The following SF1 variants were observed in gnomAD, a reference collection of about 807,000 sequenced individuals.
SF1 encodes the protein branch point-binding protein.
SF1 carries 7 observed loss-of-function variants against 62.5 expected under a neutral mutation model. The observed-to-expected ratio is 0.11, with a 90% CI of 0.06 to 0.21. The LOEUF is 0.21. Ranked by LOEUF, SF1 falls within the 10% of genes least tolerant of loss-of-function variation. SF1 has a pLI of 1.00. For synonymous variants in SF1, 394 were observed against 323.6 expected, an observed-to-expected ratio of 1.22 and a Z score of -2.33; for missense variants, 578 against 884.0, an observed-to-expected ratio of 0.65 and a Z score of 4.39.
At chr11:64,768,078 G>A in intron 9 of SF1, 28 bp downstream of exon 9, 1 of 1,594,194 alleles carries the variant, frequency 6.3e-7, no homozygotes, top group South Asian at 1.1e-5. Flanking sequence ...GGGGAAGCCA[G>A]ACCAAGAGAG....
Position 64,778,369 on chromosome 11 carries a change from C to T in SF1, c.24G>A (p.Thr8=). The T allele has an allele frequency of 4.1e-6, 5 of 1,227,820 alleles. No homozygotes were observed. The highest frequency in any genetic ancestry group is 5.1e-6 in the Non-Finnish European group (5 of 984,422). The allele number at this position is 1,227,820 out of a possible 1,614,324, so 76.1% of individuals were successfully genotyped here. Residue 8 remains threonine, a synonymous_variant, in exon 1 of 13, where the codon ACG becomes ACA. Transcript: ENST00000377390. MATGANA[T]PLDFPSKKRK... The stretch of plus-strand genomic sequence containing the variant: ...CGGGGGGGCCCAGCTTACCCAACGG[C>T]GTGGCGTTCGCTCCGGTCGCCATGG...
intron 1 of SF1, 92 bp from the exon 2 acceptor site, chr11:64,776,718 CAG>C: frequency 8.0e-7 from 1 of 1,248,522 alleles, no homozygotes; most frequent in Non-Finnish European, 1.1e-6. Context: ...AGAAACTCAG[CAG>C]ACTGTGAAGC....
chr11:64,768,971 T>A (rs534741364), intron 8 of SF1, 51 bp downstream of exon 8: 1 of 1,214,732 alleles, frequency 8.2e-7, no homozygotes, highest in Non-Finnish European at 1.2e-6. Flanking sequence ...GCCAGAAAAG[T>A]TGTCCTGCAC....
Position 64,766,919 on chromosome 11 carries a change from G to T in SF1, c.1563C>A (p.Thr521=). The change falls in exon 12 of 13, where the codon ACC becomes ACA. Residue 521 remains threonine (T), a synonymous_variant. Transcript: ENST00000377390. ...ACTCACTTTGCTGCCATGGCAAGGG[G>T]GTACTGGAAGCCATACTGCTGCTGG... The part of the protein sequence containing the change: ...PPPSSSMASS[T]PLPWQQNTTT... The T allele has an allele frequency of 6.9e-7, 1 of 1,452,310 alleles. No homozygotes were observed. Among genetic ancestry groups the T allele is most frequent in the South Asian group, 1.6e-5 (1 of 61,386 alleles). The allele number at this position is 1,452,310 out of a possible 1,614,324, so 90.0% of individuals were successfully genotyped here.
chr11:64,771,244 C>A (rs1345155664), intron 3 of SF1, among the ~76,000 whole-genome samples: 1 of 151,834 alleles, frequency 6.6e-6, no homozygotes, highest in East Asian at 1.9e-4. Context: ...GCTGTTGCTA[C>A]AAGTAAAAAA....
In SF1 at chr11:64,767,723, A is replaced by G; in HGVS notation, c.1190T>C (p.Phe397Ser). The G allele has an allele frequency of 6.2e-7, 1 of 1,612,804 alleles. No individual in the cohort carries two copies. Residue 397 changes from phenylalanine to serine, a missense_variant, in exon 10 of 13, where the codon TTC becomes TCC. Physicochemically the swap from Phe to Ser is radical, Grantham distance 155. Around this residue, in one of 7 missense-constraint regions of SF1, gnomAD observed 410 missense variants for 452.4 expected, o/e 0.91. Transcript: ENST00000377390. The part of the protein sequence containing the change: ...PGGPGGGPHS[F>S]PHPLPSLTGG... ...TGTCAGGCTGGGTAATGGGTGTGGG[A>G]AGCTGTGGGGGCCACCTCCGGGCCC... is the stretch of plus-strand genomic sequence containing the variant.
At chr11:64,777,746 C>A (rs755538648) in intron 1 of SF1, 24 of 985,620 alleles carry the variant, frequency 2.4e-5, no homozygotes, top group Non-Finnish European at 2.9e-5. Context: ...CACAGCCCGG[C>A]CACCTCACTG....
chr11:64,771,873 G>A (rs1938378350), intron 3 of SF1: 2 of 985,376 alleles, frequency 2.0e-6, no homozygotes, highest in Non-Finnish European at 2.4e-6. Context: ...GGGCTCAAAA[G>A]CAAAACCAAT....
chr11:64,777,963 T>G, intron 1 of SF1: 1 of 989,862 alleles, frequency 1.0e-6, no homozygotes, highest in Non-Finnish European at 1.2e-6. Flanking sequence ...GCGACGCCTC[T>G]CGCGCTCTCT....
chr11:64,775,419 T>A (rs1345336536), intron 2 of SF1, among the ~76,000 whole-genome samples: 1 of 152,130 alleles, frequency 6.6e-6, no homozygotes, highest in Non-Finnish European at 1.5e-5. Context: ...TAGTCTAATA[T>A]GAGACACAAT....
Position 64,765,456 on chromosome 11 carries a change from A to C in SF1, c.*362T>G. ...CTGAGGCTGTCTGCCTGGAAGGGTCACCAATGGGCGCGGAAAGTCCTCACT... is the reference window on the plus strand; with the variant it reads ...CTGAGGCTGTCTGCCTGGAAGGGTCCCCAATGGGCGCGGAAAGTCCTCACT... On this transcript the variant is annotated 3_prime_UTR_variant, in exon 13 of 13. Transcript: ENST00000377390. 6.2e-7 allele frequency: 1 copy of C among 1,612,014 alleles called. No homozygotes were observed.
intron 12 of SF1, 42 bp downstream of exon 12, chr11:64,766,858 C>CCCCCA: frequency 1.6e-6 from 1 of 609,406 alleles, no homozygotes. Context: ...CAGCCCCACC[C>CCCCCA]CCATCCCACC....
rs1479169525 is a variant in SF1 at position 64,767,386 on chromosome 11, C to T, written c.1343-135G>A. The T allele has an allele frequency of 1.7e-4, 178 of 1,062,490 alleles. 2 individuals carry two copies. In the South Asian group the frequency reaches 2.3e-3, roughly 14 times the overall value. The allele number at this position is 1,062,490 out of a possible 1,614,324, so 65.8% of individuals were successfully genotyped here. A position where few individuals can be genotyped will look rare whatever the true frequency, so the allele number is the denominator to read the frequency against. ...CTGTAAAAGGCAGGTCTGTGCTTACCCAACACAGAATCACTCCCTGAACCA... is the reference window on the plus strand; with the variant it reads ...CTGTAAAAGGCAGGTCTGTGCTTACTCAACACAGAATCACTCCCTGAACCA... On this transcript the variant is annotated intron_variant, in intron 10 of 12. Coordinates refer to ENST00000377390, the MANE Select transcript of SF1 (RefSeq NM_004630.4).
chr11:64,769,812 C>A, intron 5 of SF1, 152 bp downstream of exon 5: 1 of 736,268 alleles, frequency 1.4e-6, no homozygotes, highest in Admixed American at 2.8e-5. Context: ...GAAGTTAAGA[C>A]ACCTTCTCAC....
chr11:64,771,822 A>C, intron 3 of SF1: 1 of 985,396 alleles, frequency 1.0e-6, no homozygotes, highest in South Asian at 4.7e-5. Flanking sequence ...TTTTTAAGAA[A>C]TTATCTTAAT....
At chr11:64,768,041 T>C (rs1937636444) in intron 9 of SF1, 65 bp downstream of exon 9, 1 of 1,528,252 alleles carries the variant, frequency 6.5e-7, no homozygotes, top group South Asian at 1.2e-5. Context: ...CACGTGGCCA[T>C]AGCTCCCAGT....
chr11:64,777,641 A>G (rs1939529006), intron 1 of SF1: 2 of 985,646 alleles, frequency 2.0e-6, no homozygotes, highest in Non-Finnish European at 1.2e-6. Flanking sequence ...ATTCACAGCT[A>G]GCACCCCGTC....
At chr11:64,772,075 C>G in intron 3 of SF1, 2 of 985,420 alleles carry the variant, frequency 2.0e-6, no homozygotes, top group Non-Finnish European at 1.2e-6. Flanking sequence ...AGTTTAACCT[C>G]CTCCCAAATT....
chr11:64,771,123 T>C (rs1423127249), intron 3 of SF1, among the ~76,000 whole-genome samples: 1 of 152,218 alleles, frequency 6.6e-6, no homozygotes, highest in Non-Finnish European at 1.5e-5. Context: ...TGGTCATACT[T>C]GTCTAGGGTC....
Sources: gnomAD v4.1 joint callset for allele counts (sites outside exome capture counted in the v4.1 genomes callset) on GRCh38, gnomAD v4.1.1 for gene constraint, gnomAD v4.1.1 regional missense constraint, MANE v1.5 for transcripts, NCBI Gene and HGNC (gene_info 2026-07-23, HGNC 2026-07-21) for gene names.